SLC6A11: variants seen among roughly 807,000 people sequenced by gnomAD.
The protein encoded by SLC6A11 is solute carrier family 6 member 11.
SLC6A11 carries 25 observed loss-of-function variants against 74.8 expected under a neutral mutation model. The observed-to-expected ratio is 0.33, with a 90% CI of 0.24 to 0.47. SLC6A11 has a LOEUF of 0.47. Among genes scored for constraint, SLC6A11 ranks in the 20% least tolerant of loss-of-function variants. SLC6A11 has a pLI of 1.00. For missense variants in SLC6A11, 574 were observed against 837.0 expected (o/e 0.69, Z 3.88); for synonymous variants, 330 against 330.2 (o/e 1.00, Z 0.01).
chr3:10,928,201 C>A (rs1028147961), intron 9 of SLC6A11, among the ~76,000 whole-genome samples: 2 of 152,160 alleles, frequency 1.3e-5, no homozygotes, highest in Non-Finnish European at 2.9e-5. Context: ...ATTAATTTAG[C>A]AAACATTTCC....
At chr3:10,938,139 T>G in intron 13 of SLC6A11, 111 bp from the exon 14 acceptor site, 2 of 1,091,322 alleles carry the variant, frequency 1.8e-6, no homozygotes, top group Non-Finnish European at 2.6e-6. Flanking sequence ...GACCTTGGTC[T>G]GAGAATTCTC....
intron 5 of SLC6A11, among the ~76,000 whole-genome samples, chr3:10,872,560 C>T (rs927215506): frequency 6.6e-6 from 1 of 152,220 alleles, no homozygotes; most frequent in African/African-American, 2.4e-5. Flanking sequence ...GACCTCCTGT[C>T]TATAAGTCTT....
At chr3:10,869,235 C>T (rs551335266) in intron 5 of SLC6A11, among the ~76,000 whole-genome samples, 9 of 152,224 alleles carry the variant, frequency 5.9e-5, no homozygotes, top group African/African-American at 1.4e-4. Context: ...TGGGAGGATG[C>T]GGGAATGACA....
At chr3:10,835,088 C>T (rs866127372) in intron 4 of SLC6A11, among the ~76,000 whole-genome samples, 4 of 152,218 alleles carry the variant, frequency 2.6e-5, no homozygotes, top group African/African-American at 4.8e-5. Context: ...ACCACCCATC[C>T]GCGACACACA....
chr3:10,823,768 G>A (rs1694168549), intron 4 of SLC6A11: 1 of 182,458 alleles, frequency 5.5e-6, no homozygotes, highest in Non-Finnish European at 1.2e-5. Flanking sequence ...CTCTAGAGGG[G>A]ATAGGTTAGC....
At chr3:10,891,536 T>C (rs760345493) in intron 6 of SLC6A11, among the ~76,000 whole-genome samples, 1 of 152,244 alleles carries the variant, frequency 6.6e-6, no homozygotes, top group Non-Finnish European at 1.5e-5. Context: ...TTCTTACACA[T>C]AGAGTAAAAT....
intron 6 of SLC6A11, among the ~76,000 whole-genome samples, chr3:10,882,909 A>G (rs1694999553): frequency 6.6e-6 from 1 of 152,162 alleles, no homozygotes; most frequent in South Asian, 2.1e-4. Context: ...TGAGGCCCAG[A>G]GCACCTCCAC....
chr3:10,854,125 C>A (rs1225121226), intron 5 of SLC6A11, among the ~76,000 whole-genome samples: 2 of 152,222 alleles, frequency 1.3e-5, no homozygotes, highest in Non-Finnish European at 2.9e-5. Flanking sequence ...GTCTTGCTCA[C>A]GTCTGTAATC....
chr3:10,816,619 A>G lies in SLC6A11; in HGVS notation c.256+98A>G, dbSNP rs1488266991. The stretch of plus-strand genomic sequence containing the variant: ...GAGACCCCCTCCCGCGCCTGCGTGG[A>G]GCGGAACCCGAGCGGAGAACCTCGA... On this transcript the variant is annotated intron_variant, in intron 1 of 13. Transcript: ENST00000254488. This position sits in a 1 kb window ranked among gnomAD's most constrained non-coding sequence, Gnocchi z 4.2. 6.3e-6 allele frequency: 8 copies of G among 1,277,776 alleles called. No individual in the cohort carries two copies. In the Admixed American group the frequency reaches 1.2e-4, roughly 19 times the overall value. 79.2% of individuals were successfully genotyped at this position (1,277,776 alleles called of 1,614,324 possible).
intron 12 of SLC6A11, 58 bp from the exon 13 acceptor site, chr3:10,934,971 C>A: frequency 6.7e-7 from 1 of 1,498,134 alleles, no homozygotes; most frequent in Non-Finnish European, 9.2e-7. Context: ...TCAGACCCCT[C>A]ATGGCCTAGC....
chr3:10,938,666 A>C lies in SLC6A11; in HGVS notation c.*264A>C. On this transcript the variant is annotated 3_prime_UTR_variant, in exon 14 of 14. Transcript: ENST00000254488. ...TTCTGTCCTAGGGCAGTTTTAATCA[A>C]TGTTTTCTAGGGATTAGGAAGAAGT... The C allele has an allele frequency of 3.2e-6, 1 of 316,948 alleles. No homozygotes were observed. Among genetic ancestry groups the C allele is most frequent in the Non-Finnish European group, 5.8e-6 (1 of 173,840 alleles). The allele number at this position is 316,948 out of a possible 1,614,324, so 19.6% of individuals were successfully genotyped here. A position where few individuals can be genotyped will look rare whatever the true frequency, so the allele number is the denominator to read the frequency against.
rs759607989 is a variant in SLC6A11, at chr3:10,938,307, G to A, written c.1804G>A (p.Val602Met). The A allele has an allele frequency of 8.7e-6, 14 of 1,612,890 alleles. No individual in the cohort carries two copies. Among genetic ancestry groups the A allele is most frequent in the Non-Finnish European group, 1.2e-5 (14 of 1,179,222 alleles). Residue 602 changes from valine (V) to methionine (M), a missense_variant, in exon 14 of 14, where the codon GTG becomes ATG. This residue lies in a region of SLC6A11 where 257 missense variants were observed against 341.5 expected (regional missense o/e 0.75). Coordinates refer to ENST00000254488, the MANE Select transcript of SLC6A11 (RefSeq NM_014229.3). ...TCTGAAAATGCGGGGCAAGCTTGGG[G>A]TGAGCCCACGGATGGTGACAGTTAA... ...TDLKMRGKLG[V>M]SPRMVTVNDC...
At chr3:10,836,514 T>G (rs1694369182) in intron 4 of SLC6A11, among the ~76,000 whole-genome samples, 1 of 152,242 alleles carries the variant, frequency 6.6e-6, no homozygotes, top group African/African-American at 2.4e-5. Context: ...CAACATTTGT[T>G]ATTGTCTGAC....
At chr3:10,924,110 C>T (rs1695570583) in intron 8 of SLC6A11, among the ~76,000 whole-genome samples, 1 of 151,974 alleles carries the variant, frequency 6.6e-6, no homozygotes, top group Non-Finnish European at 1.5e-5. Context: ...ATGTGGAGTT[C>T]TGAATTAAAT....
At chr3:10,908,768 G>A (rs1051964848) in intron 6 of SLC6A11, among the ~76,000 whole-genome samples, 1 of 152,152 alleles carries the variant, frequency 6.6e-6, no homozygotes, top group African/African-American at 2.4e-5. Flanking sequence ...ACAGGTGAAG[G>A]CACTCAGTGA....
At chr3:10,908,159 T>C (rs1480018822) in intron 6 of SLC6A11, among the ~76,000 whole-genome samples, 26 of 152,206 alleles carry the variant, frequency 1.7e-4, no homozygotes, top group Non-Finnish European at 1.9e-4. Flanking sequence ...GGCTATTATG[T>C]GATGGTTGTA....
intron 6 of SLC6A11, among the ~76,000 whole-genome samples, chr3:10,905,432 A>G (rs535452731): frequency 4.6e-5 from 7 of 152,354 alleles, no homozygotes; most frequent in Admixed American, 3.9e-4. Context: ...ATAAAGGAAA[A>G]ACACTTAATA....
intron 6 of SLC6A11, among the ~76,000 whole-genome samples, chr3:10,897,864 C>G (rs779562802): frequency 2.0e-5 from 3 of 152,220 alleles, no homozygotes; most frequent in Non-Finnish European, 4.4e-5. Context: ...CAGAGGTTCT[C>G]CATAAGCACC....
At chr3:10,927,946 G>A (rs1677765171) in intron 9 of SLC6A11, among the ~76,000 whole-genome samples, 1 of 152,174 alleles carries the variant, frequency 6.6e-6, no homozygotes, top group Non-Finnish European at 1.5e-5. Context: ...AGGGCAGTGG[G>A]GTGGGTAAAG....
Sources: allele counts gnomAD v4.1 joint callset (sites outside exome capture counted in the v4.1 genomes callset), GRCh38; gene constraint gnomAD v4.1.1; regional missense constraint gnomAD v4.1.1; non-coding constraint Gnocchi (gnomAD v3.1); transcripts MANE v1.5; gene names NCBI Gene and HGNC (gene_info 2026-07-23, HGNC 2026-07-21).